PROS1: variants seen among roughly 807,000 people sequenced by gnomAD.
PROS1 encodes the protein vitamin K-dependent protein S.
Under a neutral mutation model 75.9 loss-of-function variants are expected in PROS1, and 29 were observed. The ratio of observed to expected loss-of-function variants is 0.38; its 90% confidence interval spans 0.28 to 0.52. The LOEUF is 0.52. PROS1 is among the 20% of genes least tolerant of loss of function. The pLI is 0.83. For synonymous variants in PROS1, 245 were observed against 280.6 expected (o/e 0.87, Z 1.27); for missense variants, 680 against 810.3 (o/e 0.84, Z 1.95).
intron 13 of PROS1, among the ~76,000 whole-genome samples, chr3:93,878,883 C>T (rs1448771005): frequency 1.3e-5 from 2 of 152,014 alleles, no homozygotes; most frequent in Non-Finnish European, 2.9e-5. Flanking sequence ...TCCAAGCAGC[C>T]TGTGTGAGAG....
At chr3:93,971,405 C>G (rs763169381) in intron 1 of PROS1, among the ~76,000 whole-genome samples, 2 of 147,600 alleles carry the variant, frequency 1.4e-5, no homozygotes, top group East Asian at 4.0e-4. Context: ...ATAAATAATT[C>G]TAAATAAAGA....
At position 93,884,746 on chromosome 3, in the gene PROS1, G is replaced by T. The variant is rs1708322062; in HGVS notation, c.1474C>A (p.Gln492Lys). The T allele has an allele frequency of 6.2e-7, 1 of 1,613,536 alleles. No individual in the cohort carries two copies. The highest frequency in any genetic ancestry group is 8.5e-7 in the Non-Finnish European group (1 of 1,179,712). Residue 492 changes from glutamine to lysine, a missense_variant, in exon 12 of 15, where the codon CAA becomes AAA. Transcript: ENST00000394236. ...GSYYPGSGIA[Q>K]FHIDYNNVSS... ...CACTTACTATAATCTATGTGAAATT[G>T]AGCAATTCCAGAACCAGGATAGTAG...
rs1167931435 is a variant in PROS1, at chr3:93,973,822, A to G, written c.-73T>C. ...GGGACCGGAGCGCTAGGCGCCGCGG[A>G]GCTGCGAGCCTGTGCGCCTCGGTCT... is the stretch of plus-strand genomic sequence containing the variant. On this transcript the variant is annotated 5_prime_UTR_variant, in exon 1 of 15. Transcript: ENST00000394236. The G allele has an allele frequency of 1.5e-6, 2 of 1,349,348 alleles. No individual in the cohort carries two copies. Among genetic ancestry groups the G allele is most frequent in the Admixed American group, 2.2e-5 (1 of 45,446 alleles). 83.6% of individuals were successfully genotyped at this position (1,349,348 alleles called of 1,614,324 possible). A position where few individuals can be genotyped will look rare whatever the true frequency, so the allele number is the denominator to read the frequency against.
intron 10 of PROS1, among the ~76,000 whole-genome samples, chr3:93,892,443 G>A (rs1469487788): frequency 4.0e-5 from 6 of 151,872 alleles, no homozygotes; most frequent in South Asian, 2.1e-4. Context: ...GGACCAACAC[G>A]GAGAAACCCC....
intron 3 of PROS1, among the ~76,000 whole-genome samples, chr3:93,915,516 T>A (rs1214343176): frequency 2.6e-5 from 4 of 152,190 alleles, no homozygotes; most frequent in Admixed American, 2.6e-4. Context: ...GTTCCTTCAA[T>A]ATTTTGCTTA....
rs556077790 is a variant in PROS1, at chr3:93,891,386, G to A, written c.1155+1547C>T. 1.1e-4 allele frequency among the ~76,000 whole-genome samples: 17 copies of A among 151,974 alleles called. No individual in the cohort carries two copies. In the South Asian group the frequency reaches 3.5e-3, roughly 32 times the overall value. On this transcript the variant is annotated intron_variant, in intron 10 of 14. Coordinates refer to ENST00000394236, the MANE Select transcript of PROS1 (RefSeq NM_000313.4). ...GCTATTCTTGATCATTAGATTAAAG[G>A]CTATATGTAGGATTAAATTAAAATG...
intron 11 of PROS1, among the ~76,000 whole-genome samples, chr3:93,885,307 C>T (rs1708330309): frequency 1.3e-5 from 2 of 152,166 alleles, no homozygotes; most frequent in Admixed American, 6.5e-5. Context: ...CTCACTGCAA[C>T]CTCTGCCTCC....
chr3:93,937,310 G>A (rs1205775938), intron 1 of PROS1, among the ~76,000 whole-genome samples: 1 of 151,722 alleles, frequency 6.6e-6, no homozygotes, highest in Non-Finnish European at 1.5e-5. Context: ...GTTTCACAGT[G>A]TTCTTTTACA....
At chr3:93,907,216 G>A (rs1559935729) in intron 4 of PROS1, among the ~76,000 whole-genome samples, 1 of 152,182 alleles carries the variant, frequency 6.6e-6, no homozygotes, top group African/African-American at 2.4e-5. Flanking sequence ...TTCCCTCTCT[G>A]AAGACCATAA....
chr3:93,948,933 T>C (rs1331065898), intron 1 of PROS1, among the ~76,000 whole-genome samples: 1 of 152,236 alleles, frequency 6.6e-6, no homozygotes, highest in Non-Finnish European at 1.5e-5. Context: ...AGCAAGTATC[T>C]GGTTGTTAGT....
At chr3:93,973,068 T>C (rs1435687361) in intron 1 of PROS1, among the ~76,000 whole-genome samples, 2 of 152,168 alleles carry the variant, frequency 1.3e-5, no homozygotes, top group Non-Finnish European at 2.9e-5. Flanking sequence ...TGGCATGCAG[T>C]GTTAAAAAAT....
At chr3:93,931,915 A>T (rs1709112048) in intron 1 of PROS1, among the ~76,000 whole-genome samples, 1 of 152,220 alleles carries the variant, frequency 6.6e-6, no homozygotes, top group Non-Finnish European at 1.5e-5. Flanking sequence ...GGATAAGGTC[A>T]CTATCTTAAA....
At chr3:93,937,047 C>T (rs556118064) in intron 1 of PROS1, among the ~76,000 whole-genome samples, 109 of 152,134 alleles carry the variant, frequency 7.2e-4, no homozygotes, top group African/African-American at 2.5e-3. Context: ...AGAGTTGATC[C>T]GTAGCAGGAC....
intron 1 of PROS1, among the ~76,000 whole-genome samples, chr3:93,932,445 A>G (rs1709119586): frequency 6.6e-6 from 1 of 152,200 alleles, no homozygotes; most frequent in African/African-American, 2.4e-5. Context: ...AAACCCAACT[A>G]TGTTGCTTGA....
At chr3:93,932,287 AAGTTG>A (rs1343189024) in intron 1 of PROS1, among the ~76,000 whole-genome samples, 1 of 152,232 alleles carries the variant, frequency 6.6e-6, no homozygotes, top group Non-Finnish European at 1.5e-5. Context: ...CTAAAATTTA[AAGTTG>A]AGTTAATTTT....
chr3:93,904,548 G>T (rs1708645932), intron 6 of PROS1, among the ~76,000 whole-genome samples: 2 of 151,926 alleles, frequency 1.3e-5, no homozygotes. Context: ...ATCCAATTTA[G>T]GGCTTTACCA....
intron 1 of PROS1, among the ~76,000 whole-genome samples, chr3:93,956,563 A>ACACAAAC (rs57080075): frequency 1.5e-3 from 196 of 128,368 alleles, no homozygotes; most frequent in South Asian, 9.5e-3. Context: ...CACACACACA[A>ACACAAAC]ACACACACAC....
At chr3:93,914,499 TC>T (rs1708809294) in intron 3 of PROS1, among the ~76,000 whole-genome samples, 2 of 151,826 alleles carry the variant, frequency 1.3e-5, no homozygotes, top group Non-Finnish European at 2.9e-5. Flanking sequence ...AGCAGCAGAG[TC>T]CCTAGGTCGT....
intron 1 of PROS1, among the ~76,000 whole-genome samples, chr3:93,942,080 G>C (rs1709296948): frequency 6.6e-6 from 1 of 151,834 alleles, no homozygotes; most frequent in African/African-American, 2.4e-5. Context: ...CTTCTTTCCT[G>C]TTCCTCACCC....
Sources: gnomAD v4.1 joint callset for allele counts (sites outside exome capture counted in the v4.1 genomes callset) on GRCh38, gnomAD v4.1.1 for gene constraint, MANE v1.5 for transcripts, NCBI Gene and HGNC (gene_info 2026-07-23, HGNC 2026-07-21) for gene names.